NCOR2: variants seen among roughly 807,000 people sequenced by gnomAD.
The protein encoded by NCOR2 is CTG repeat protein 26.
Under a neutral mutation model 262.9 loss-of-function variants are expected in NCOR2, and 81 were observed. The ratio of observed to expected loss-of-function variants is 0.31; its 90% CI spans 0.26 to 0.37. The LOEUF (loss-of-function observed/expected upper bound fraction) is 0.37. NCOR2 is among the 10% of genes least tolerant of loss of function. The pLI is 1.00. For synonymous variants in NCOR2, 1,659 were observed against 1,559.3 expected, an observed-to-expected ratio of 1.06 and a Z score of -1.51; for missense variants, 3,385 against 3,621.4, an observed-to-expected ratio of 0.93 and a Z score of 1.68.
At chr12:124,387,682 G>A (rs1297222961) in intron 16 of NCOR2, among the ~76,000 whole-genome samples, 2 of 152,234 alleles carry the variant, frequency 1.3e-5, no homozygotes, top group Non-Finnish European at 2.9e-5. Context: ...CGGGGCGTGG[G>A]ATCAAGTGGC....
At chr12:124,421,959 G>A (rs939192235) in intron 12 of NCOR2, among the ~76,000 whole-genome samples, 17 of 152,240 alleles carry the variant, frequency 1.1e-4, no homozygotes, top group Admixed American at 6.5e-5. Context: ...TCCACACAAA[G>A]GTTTGTCCAA....
chr12:124,436,861 G>T (rs952197270), intron 8 of NCOR2, among the ~76,000 whole-genome samples: 1 of 152,232 alleles, frequency 6.6e-6, no homozygotes, highest in Non-Finnish European at 1.5e-5. Context: ...GCCGAGGCGG[G>T]TGCATCACCT....
At chr12:124,485,956 A>G (rs879607907) in intron 2 of NCOR2, among the ~76,000 whole-genome samples, 1 of 22,320 alleles carries the variant, frequency 4.5e-5, no homozygotes, top group East Asian at 1.2e-3. Context: ...TCCCCACCCC[A>G]CCTCCCTCCC....
At chr12:124,487,615 C>T (rs1032528429) in intron 1 of NCOR2, among the ~76,000 whole-genome samples, 3 of 152,254 alleles carry the variant, frequency 2.0e-5, no homozygotes, top group Admixed American at 6.5e-5. Context: ...CGACCCCTCC[C>T]TCCGCCCTGC....
intron 1 of NCOR2, among the ~76,000 whole-genome samples, chr12:124,524,870 C>G (rs561087428): frequency 4.9e-4 from 75 of 152,232 alleles, no homozygotes; most frequent in Admixed American, 1.0e-3. Context: ...ACTGACACTC[C>G]CCCTCTGGAT....
intron 1 of NCOR2, among the ~76,000 whole-genome samples, chr12:124,556,795 T>C (rs1336509077): frequency 1.3e-5 from 2 of 150,254 alleles, no homozygotes; most frequent in East Asian, 3.9e-4. Flanking sequence ...TTGCGGTGCA[T>C]GGAGATCATG....
intron 11 of NCOR2, among the ~76,000 whole-genome samples, chr12:124,423,401 C>G (rs1399716365): frequency 6.6e-6 from 1 of 152,176 alleles, no homozygotes; most frequent in Non-Finnish European, 1.5e-5. Context: ...GAGTGAGCAC[C>G]AGTGCCCGAC....
intron 8 of NCOR2, 117 bp from the exon 11 acceptor site, chr12:124,430,904 A>G: frequency 1.7e-6 from 2 of 1,171,112 alleles, no homozygotes; most frequent in African/African-American, 3.1e-5. Flanking sequence ...ACACAAAGTC[A>G]CACAGGCACA....
At chr12:124,380,782 C>A (rs538259948) in intron 17 of NCOR2, among the ~76,000 whole-genome samples, 1 of 151,842 alleles carries the variant, frequency 6.6e-6, no homozygotes, top group Admixed American at 6.6e-5. Flanking sequence ...GGTGTCTCTG[C>A]GGGGGGCGGC....
chr12:124,422,620 C>G, intron 11 of NCOR2, 65 bp from the exon 14 acceptor site: 7 of 1,591,678 alleles, frequency 4.4e-6, no homozygotes, highest in Non-Finnish European at 6.0e-6. Flanking sequence ...GGCAGCCGAT[C>G]GGCTCCCAGG....
At chr12:124,489,664 G>A (rs1046595133) in intron 1 of NCOR2, among the ~76,000 whole-genome samples, 28 of 149,340 alleles carry the variant, frequency 1.9e-4, no homozygotes, top group Non-Finnish European at 3.9e-4. Context: ...TGGCACCTCT[G>A]AAGCTGGAAA....
intron 1 of NCOR2, among the ~76,000 whole-genome samples, chr12:124,564,493 C>T (rs1378338093): frequency 1.3e-5 from 2 of 152,164 alleles, no homozygotes; most frequent in Non-Finnish European, 2.9e-5. Context: ...AACACACACA[C>T]ACAAATAAAA....
intron 1 of NCOR2, among the ~76,000 whole-genome samples, chr12:124,518,660 A>G (rs1276211320): frequency 6.6e-6 from 1 of 152,280 alleles, no homozygotes; most frequent in East Asian, 1.9e-4. Flanking sequence ...GCAGTAAGTA[A>G]TAATTCCTCA....
At chr12:124,339,969 A>C in intron 37 of NCOR2, 37 bp downstream of exon 39, 1 of 1,411,992 alleles carries the variant, frequency 7.1e-7, no homozygotes. Context: ...CCACCCATCC[A>C]CCTGCCCGCC....
chr12:124,415,525 G>A (rs1245195273), intron 13 of NCOR2, among the ~76,000 whole-genome samples: 1 of 152,210 alleles, frequency 6.6e-6, no homozygotes, highest in Admixed American at 6.5e-5. Flanking sequence ...GGGTGGCAGG[G>A]CCCAGGCCAC....
intron 7 of NCOR2, among the ~76,000 whole-genome samples, chr12:124,438,778 C>CAGAGAGAGAGAGAG (rs56072801): frequency 2.0e-4 from 12 of 60,062 alleles, no homozygotes; most frequent in Middle Eastern, 8.5e-3. Context: ...CCCAGAGAGA[C>CAGAGAGAGAGAGAG]AGAGAGAGAG....
chr12:124,468,373 CCATCATCCTCATCCTCATCACCCT>C (rs2046620131), intron 4 of NCOR2, among the ~76,000 whole-genome samples: 1 of 48,172 alleles, frequency 2.1e-5, no homozygotes. Context: ...CTCATCACCC[CCATCATCCTCATCCTCATCACCCT>C]CATCATCCTC....
At chr12:124,438,631 C>T (rs4394929) in intron 7 of NCOR2, among the ~76,000 whole-genome samples, 38,107 of 151,472 alleles carry the variant, frequency 0.25, 5,283 homozygotes, top group East Asian at 0.49. Context: ...CCACTGCAGG[C>T]TCCAAGAGAA....
At chr12:124,555,823 G>A (rs1003939638) in intron 1 of NCOR2, 3 of 152,270 alleles carry the variant, frequency 2.0e-5, no homozygotes, top group Admixed American at 1.3e-4. Context: ...CCCGGTCCCT[G>A]GGGTCGCCTG....
Sources: allele counts gnomAD v4.1 joint callset (sites outside exome capture counted in the v4.1 genomes callset), GRCh38; gene constraint gnomAD v4.1.1; transcripts MANE v1.5; gene names NCBI Gene and HGNC (gene_info 2026-07-23, HGNC 2026-07-21).